Variants in TLCD4 observed in about 807,000 individuals in gnomAD.
The protein encoded by TLCD4 is TLC domain-containing protein 4.
Under a neutral mutation model 24.2 loss-of-function variants are expected in TLCD4, and 7 were observed. The observed-to-expected ratio is 0.29, with a 90% CI of 0.16 to 0.54. TLCD4 has a LOEUF of 0.54. Ranked by LOEUF, TLCD4 falls within the 20% of genes least tolerant of loss-of-function variation. TLCD4 has a pLI of 0.95. For missense variants in TLCD4, 259 were observed against 313.9 expected (o/e 0.82, Z 1.32); for synonymous variants, 103 against 106.4 (o/e 0.97, Z 0.20).
intron 5 of TLCD4, among the ~76,000 whole-genome samples, chr1:95,153,226 A>T (rs2100950708): frequency 6.6e-6 from 1 of 152,152 alleles, no homozygotes; most frequent in South Asian, 2.1e-4. Flanking sequence ...GATGGTGGTG[A>T]TGGTTGTATA....
chr1:95,098,505 C>T, the TLCD4 span, among the ~76,000 whole-genome samples: 2 of 152,180 alleles, frequency 1.3e-5, no homozygotes, highest in Admixed American at 6.5e-5. Context: ...CTCCTCTGTG[C>T]TTCCGTGGTT....
In TLCD4 at chr1:95,193,812, G is replaced by A. The variant is rs1033130637; in HGVS notation, c.*1944G>A. 1 of 152,010 alleles carries A rather than the reference G, an allele frequency of 6.6e-6. No individual in the cohort carries two copies. Among genetic ancestry groups the A allele is most frequent in the African/African-American group, 2.4e-5 (1 of 41,422 alleles). The allele number at this position is 152,010 out of a possible 1,614,324, so 9.4% of individuals were successfully genotyped here. A position where few individuals can be genotyped will look rare whatever the true frequency, so the allele number is the denominator to read the frequency against. ...AAATTTAGTGCTGTCCACATCATAG[G>A]TGCTTAAATATGTACTGGTTAACTA... On this transcript the variant is annotated 3_prime_UTR_variant, in exon 7 of 7. Coordinates refer to ENST00000370203, the MANE Select transcript of TLCD4 (RefSeq NM_152487.3).
At chr1:95,184,982 C>G (rs1678777352) in intron 6 of TLCD4, among the ~76,000 whole-genome samples, 1 of 151,562 alleles carries the variant, frequency 6.6e-6, no homozygotes. Context: ...TTGGCAGAAG[C>G]TAACACTATG....
At chr1:95,113,043 CTTTTTTTT>C (rs1054737210), upstream of TLCD4, among the ~76,000 whole-genome samples, 1 of 136,722 alleles carries the variant, frequency 7.3e-6, no homozygotes, top group Non-Finnish European at 1.6e-5. Context: ...TCTTTTCTTT[CTTTTTTTT>C]TTTTTTTTTG....
chr1:95,196,209 A>G lies in TLCD4; in HGVS notation c.*4341A>G, dbSNP rs967365615. The G allele has an allele frequency of 8.5e-5, 13 of 152,182 alleles. No homozygotes were observed. The highest frequency in any genetic ancestry group is 3.1e-4 in the African/African-American group (13 of 41,446). 9.4% of individuals were successfully genotyped at this position (152,182 alleles called of 1,614,324 possible). ...CTGGTTTAACAGTCAGAGCTTTGTA[A>G]TGTGTTTCAGCTGAAGATTTATTAT... On this transcript the variant is annotated 3_prime_UTR_variant, in exon 7 of 7. Transcript: ENST00000370203.
chr1:95,181,045 C>T (rs536005866), intron 6 of TLCD4, among the ~76,000 whole-genome samples: 91 of 152,144 alleles, frequency 6.0e-4, no homozygotes, highest in African/African-American at 1.9e-3. Flanking sequence ...TGCAGTGAGC[C>T]GAGATCACGC....
At chr1:95,183,080 A>G (rs1678704253) in intron 6 of TLCD4, among the ~76,000 whole-genome samples, 1 of 152,204 alleles carries the variant, frequency 6.6e-6, no homozygotes, top group Non-Finnish European at 1.5e-5. Flanking sequence ...CTGAGTGGTT[A>G]TAACTTTTGA....
In TLCD4 at chr1:95,133,568, G is replaced by A. The variant is rs190754020; in HGVS notation, c.-11-10323G>A. 2.6e-5 allele frequency among the ~76,000 whole-genome samples: 4 copies of A among 152,260 alleles called. No individual in the cohort carries two copies. In the East Asian group the frequency reaches 7.7e-4, roughly 29 times the overall value. ...GTAGTTTGTATAGTTGGTAGTGTGG[G>A]ATATTGAACGTTTTCATATGTTGGC... On this transcript the variant is annotated intron_variant, in intron 1 of 6. Coordinates refer to ENST00000370203, the MANE Select transcript of TLCD4 (RefSeq NM_152487.3).
chr1:95,139,004 A>G (rs1557681719), intron 1 of TLCD4, among the ~76,000 whole-genome samples: 1 of 144,454 alleles, frequency 6.9e-6, no homozygotes, highest in Non-Finnish European at 1.5e-5. Flanking sequence ...CCTGGGCAAC[A>G]TAGTGAGACC....
At chr1:95,179,957 TATGTGTA>T (rs1239303175) in intron 6 of TLCD4, among the ~76,000 whole-genome samples, 1 of 152,240 alleles carries the variant, frequency 6.6e-6, no homozygotes, top group East Asian at 1.9e-4. Flanking sequence ...AATAGCAACA[TATGTGTA>T]TATTACTATA....
At position 95,192,984 on chromosome 1, in the gene TLCD4, C is replaced by A. The variant is rs1281476555; in HGVS notation, c.*1116C>A. ...GAAAGAAAGTTTTAACACTGTTTATCCCTATCTGCTTTCCTTGCACTTTTT... is the reference window on the plus strand; with the variant it reads ...GAAAGAAAGTTTTAACACTGTTTATACCTATCTGCTTTCCTTGCACTTTTT... On this transcript the variant is annotated 3_prime_UTR_variant, in exon 7 of 7. Coordinates refer to ENST00000370203, the MANE Select transcript of TLCD4 (RefSeq NM_152487.3). 2 of 152,088 alleles carry A rather than the reference C, an allele frequency of 1.3e-5. No homozygotes were observed. Among genetic ancestry groups the A allele is most frequent in the Non-Finnish European group, 2.9e-5 (2 of 67,994 alleles). The allele number at this position is 152,088 out of a possible 1,614,324, so 9.4% of individuals were successfully genotyped here.
At chr1:95,185,046 ATTATAC>A (rs1426922849) in intron 6 of TLCD4, among the ~76,000 whole-genome samples, 2 of 151,452 alleles carry the variant, frequency 1.3e-5, no homozygotes, top group Admixed American at 1.3e-4. Context: ...TTTTTTTTAA[ATTATAC>A]TTTAAGTTTT....
intron 6 of TLCD4, among the ~76,000 whole-genome samples, chr1:95,183,524 A>T (rs1678719756): frequency 6.6e-6 from 1 of 152,172 alleles, no homozygotes. Context: ...TATATTTAGA[A>T]GATTAGAGTT....
At chr1:95,190,369 C>T (rs563479971) in intron 6 of TLCD4, among the ~76,000 whole-genome samples, 4 of 151,824 alleles carry the variant, frequency 2.6e-5, no homozygotes, top group African/African-American at 9.7e-5. Flanking sequence ...CTTGCTCTGT[C>T]GCCCAGGCTG....
At chr1:95,158,703 C>T (rs1677701679) in intron 5 of TLCD4, among the ~76,000 whole-genome samples, 1 of 147,802 alleles carries the variant, frequency 6.8e-6, no homozygotes, top group African/African-American at 2.5e-5. Context: ...GTTCCCCATC[C>T]TGTGTCCAAG....
chr1:95,167,927 G>A (rs1678076859), intron 5 of TLCD4, among the ~76,000 whole-genome samples: 1 of 152,078 alleles, frequency 6.6e-6, no homozygotes, highest in South Asian at 2.1e-4. Flanking sequence ...TTGGCCCCCT[G>A]GACCCACTTT....
intron 4 of TLCD4, 104 bp downstream of exon 4, chr1:95,150,370 T>C (rs1362589662): frequency 1.4e-6 from 2 of 1,433,230 alleles, no homozygotes; most frequent in Non-Finnish European, 1.9e-6. Context: ...AGATAGCATT[T>C]AGGAAGCATA....
chr1:95,164,764 T>C (rs1677955349), intron 5 of TLCD4: 1 of 152,208 alleles, frequency 6.6e-6, no homozygotes, highest in African/African-American at 2.4e-5. Flanking sequence ...AATATCTACT[T>C]TGTATTCTGT....
At chr1:95,191,440 A>G in intron 6 of TLCD4, 110 bp from the exon 7 acceptor site, 1 of 1,348,088 alleles carries the variant, frequency 7.4e-7, no homozygotes, top group Non-Finnish European at 9.9e-7. Flanking sequence ...ATGCTATTCT[A>G]GGCCCTTTGC....
Sources: gnomAD v4.1 joint callset for allele counts (sites outside exome capture counted in the v4.1 genomes callset) on GRCh38, gnomAD v4.1.1 for gene constraint, MANE v1.5 for transcripts, NCBI Gene and HGNC (gene_info 2026-07-23, HGNC 2026-07-21) for gene names.